STK39: variants seen among roughly 807,000 people sequenced by gnomAD.
STK39 encodes the protein STE20/SPS1-related proline-alanine-rich protein kinase.
In STK39, 20 loss-of-function variants were observed where a neutral mutation model predicts 77.8. That is an observed-to-expected ratio of 0.26 (90% CI 0.18 to 0.37). STK39 has a LOEUF of 0.37. Among genes scored for constraint, STK39 ranks in the 10% least tolerant of loss-of-function variants. STK39 has a pLI of 1.00. For synonymous variants in STK39, 246 were observed against 234.1 expected, an observed-to-expected ratio of 1.05 and a Z score of -0.47; for missense variants, 479 against 656.5, an observed-to-expected ratio of 0.73 and a Z score of 2.95.
chr2:168,129,267 C>T (rs371359371), intron 10 of STK39, among the ~76,000 whole-genome samples: 1 of 152,176 alleles, frequency 6.6e-6, no homozygotes, highest in Non-Finnish European at 1.5e-5. Context: ...AGTATTTAAA[C>T]CTCATCACAT....
At chr2:168,126,762 C>T (rs779596829) in intron 10 of STK39, among the ~76,000 whole-genome samples, 2 of 152,092 alleles carry the variant, frequency 1.3e-5, no homozygotes, top group Non-Finnish European at 2.9e-5. Flanking sequence ...TGTCAAAGAA[C>T]CTACAGGTGA....
At chr2:168,219,881 T>C (rs1574567017) in intron 1 of STK39, among the ~76,000 whole-genome samples, 1 of 33,564 alleles carries the variant, frequency 3.0e-5, no homozygotes, top group Admixed American at 2.3e-4. Context: ...TTTTTTTTTT[T>C]TTTTGCAAAT....
At chr2:168,032,501 A>G (rs181097321) in intron 14 of STK39, among the ~76,000 whole-genome samples, 3 of 152,354 alleles carry the variant, frequency 2.0e-5, no homozygotes, top group Middle Eastern at 3.4e-3. Context: ...GGTTTCTTCA[A>G]TGACTGTCCT....
intron 16 of STK39, among the ~76,000 whole-genome samples, chr2:167,992,340 C>CA (rs527296704): frequency 6.6e-6 from 1 of 151,510 alleles, no homozygotes; most frequent in Non-Finnish European, 1.5e-5. Context: ...ACAACAACAA[C>CA]AAAAAAACCA....
At chr2:168,214,794 T>C (rs1174048622) in intron 1 of STK39, among the ~76,000 whole-genome samples, 1 of 152,234 alleles carries the variant, frequency 6.6e-6, no homozygotes, top group Non-Finnish European at 1.5e-5. Context: ...AGGGTAATTC[T>C]GAAAAAGGTC....
intron 15 of STK39, among the ~76,000 whole-genome samples, chr2:168,015,360 A>G (rs999478808): frequency 6.6e-6 from 1 of 152,266 alleles, no homozygotes; most frequent in African/African-American, 2.4e-5. Flanking sequence ...ATTTACTGTA[A>G]GCAAAGTCTA....
intron 14 of STK39, among the ~76,000 whole-genome samples, chr2:168,029,887 G>A (rs1228813882): frequency 6.6e-6 from 1 of 152,104 alleles, no homozygotes. Flanking sequence ...TGCTGGATGT[G>A]GCAACTTCCA....
At position 167,966,620 on chromosome 2, in the gene STK39, T is replaced by A. The variant is rs562205842; in HGVS notation, c.1499-1894A>T. Among the ~76,000 whole-genome samples the A allele has an allele frequency of 2.0e-5, 3 of 152,186 alleles. No homozygotes were observed. In the East Asian group the frequency reaches 5.8e-4, roughly 29 times the overall value. On this transcript the variant is annotated intron_variant, in intron 16 of 17. Coordinates refer to ENST00000355999, the MANE Select transcript of STK39 (RefSeq NM_013233.3). ...CAACCCTCTCTCCGGTGTACACGTA[T>A]ATATACAAGGGCCAATTTCCAGGGA...
At chr2:167,967,791 T>A (rs1417018420) in intron 16 of STK39, among the ~76,000 whole-genome samples, 4 of 152,184 alleles carry the variant, frequency 2.6e-5, no homozygotes, top group African/African-American at 7.2e-5. Flanking sequence ...CCACATTTTT[T>A]AAAATATAAT....
intron 14 of STK39, among the ~76,000 whole-genome samples, chr2:168,026,506 A>G (rs190705913): frequency 6.6e-6 from 1 of 152,224 alleles, no homozygotes. Flanking sequence ...ATAAATCATT[A>G]TTGATCACCT....
intron 14 of STK39, among the ~76,000 whole-genome samples, chr2:168,044,673 T>C (rs1028724081): frequency 6.6e-6 from 1 of 152,182 alleles, no homozygotes; most frequent in East Asian, 1.9e-4. Flanking sequence ...TTCATGCACT[T>C]TGTTGCACTG....
chr2:168,191,047 T>A (rs1689327441), intron 1 of STK39, among the ~76,000 whole-genome samples: 1 of 152,190 alleles, frequency 6.6e-6, no homozygotes, highest in Non-Finnish European at 1.5e-5. Flanking sequence ...TTCTGATTCC[T>A]TACTGCTTCA....
chr2:168,160,047 T>A (rs1004832186), intron 5 of STK39, among the ~76,000 whole-genome samples: 2 of 152,224 alleles, frequency 1.3e-5, no homozygotes, highest in African/African-American at 4.8e-5. Context: ...GGATTCTTAC[T>A]GGGAAAAAGA....
chr2:168,057,331 T>C (rs1656161994), intron 14 of STK39, among the ~76,000 whole-genome samples: 1 of 152,196 alleles, frequency 6.6e-6, no homozygotes, highest in Admixed American at 6.5e-5. Flanking sequence ...TAGCTGGGAT[T>C]ATAGCCATGT....
At chr2:168,095,925 A>G (rs934984521) in intron 10 of STK39, among the ~76,000 whole-genome samples, 13 of 152,220 alleles carry the variant, frequency 8.5e-5, no homozygotes, top group African/African-American at 3.1e-4. Context: ...AAATCAATTT[A>G]GAATCTGGGA....
intron 17 of STK39, among the ~76,000 whole-genome samples, chr2:167,964,137 C>G (rs1692080071): frequency 6.6e-6 from 1 of 152,170 alleles, no homozygotes; most frequent in African/African-American, 2.4e-5. Context: ...GTTGAAATAT[C>G]TCCTTTCTAC....
At chr2:168,044,022 A>G (rs560605587) in intron 14 of STK39, among the ~76,000 whole-genome samples, 1 of 152,340 alleles carries the variant, frequency 6.6e-6, no homozygotes, top group East Asian at 1.9e-4. Context: ...ACTTTATCAA[A>G]ATAATTATTA....
intron 10 of STK39, among the ~76,000 whole-genome samples, chr2:168,106,856 T>C (rs1282931142): frequency 6.6e-6 from 1 of 152,184 alleles, no homozygotes; most frequent in Non-Finnish European, 1.5e-5. Context: ...TACATATATG[T>C]CTACATAAAT....
At chr2:167,956,735 C>G (rs1421469197) in intron 17 of STK39, among the ~76,000 whole-genome samples, 5 of 62,264 alleles carry the variant, frequency 8.0e-5, no homozygotes, top group East Asian at 5.2e-4. Context: ...CTCTCCCCCC[C>G]CGCCCCCTCA....
Sources: gnomAD v4.1 joint callset for allele counts (sites outside exome capture counted in the v4.1 genomes callset) on GRCh38, gnomAD v4.1.1 for gene constraint, MANE v1.5 for transcripts, NCBI Gene and HGNC (gene_info 2026-07-23, HGNC 2026-07-21) for gene names.